GORASP2: variants seen among roughly 807,000 people sequenced by gnomAD.
GORASP2 encodes Golgi reassembly-stacking protein 2.
GORASP2 carries 22 observed loss-of-function variants against 45.7 expected under a neutral mutation model. That is an observed-to-expected ratio of 0.48 (90% CI 0.34 to 0.69). GORASP2 has a LOEUF of 0.69. GORASP2 is among the 30% of genes least tolerant of loss of function. The pLI is 0.01. For synonymous variants in GORASP2, 221 were observed against 215.6 expected (o/e 1.02, Z -0.22); for missense variants, 491 against 562.7 (o/e 0.87, Z 1.29).
Position 170,929,297 on chromosome 2 carries a change from G to A in GORASP2, c.-44G>A. 2 of 1,321,768 alleles carry A rather than the reference G, an allele frequency of 1.5e-6. No homozygotes were observed. Among genetic ancestry groups the A allele is most frequent in the South Asian group, 1.9e-5 (1 of 51,666 alleles). 81.9% of individuals were successfully genotyped at this position (1,321,768 alleles called of 1,614,324 possible). A position where few individuals can be genotyped will look rare whatever the true frequency, so the allele number is the denominator to read the frequency against. ...AGAGCAGGCGGTGCGCTGGGGGCGG[G>A]AGCAGCGCGGAGCCCGGCTCGGCCA... On this transcript the variant is annotated 5_prime_UTR_variant, in exon 1 of 10. Coordinates refer to ENST00000234160, the MANE Select transcript of GORASP2 (RefSeq NM_015530.5).
At position 170,962,823 on chromosome 2, in the gene GORASP2, T is replaced by G. The variant is rs1210526944; in HGVS notation, c.911-16T>G. 6.4e-7 allele frequency: 1 copy of G among 1,555,358 alleles called. No homozygotes were observed. Among genetic ancestry groups the G allele is most frequent in the Non-Finnish European group, 8.9e-7 (1 of 1,126,458 alleles). On this transcript the variant is annotated splice_polypyrimidine_tract_variant and intron_variant, in intron 8 of 9. Coordinates refer to ENST00000234160, the MANE Select transcript of GORASP2 (RefSeq NM_015530.5). ...TCAAGTGATTTCTCTTTTTTTCTTT[T>G]CTGCCTTCTCTTCAGGTCTGATGCC...
At chr2:170,942,975 G>C (rs1704111708) in intron 1 of GORASP2, among the ~76,000 whole-genome samples, 1 of 152,132 alleles carries the variant, frequency 6.6e-6, no homozygotes, top group Admixed American at 6.5e-5. Flanking sequence ...GATTTCTTCT[G>C]GATACAGATC....
chr2:170,946,902 T>C (rs894726474), intron 1 of GORASP2, among the ~76,000 whole-genome samples: 5 of 152,068 alleles, frequency 3.3e-5, no homozygotes, highest in South Asian at 2.1e-4. Flanking sequence ...ATTGTGTCAC[T>C]GCACTCCAGC....
chr2:170,953,127 G>A (rs1173932073), intron 5 of GORASP2, among the ~76,000 whole-genome samples: 1 of 152,104 alleles, frequency 6.6e-6, no homozygotes, highest in Non-Finnish European at 1.5e-5. Flanking sequence ...AGGCTGAGGC[G>A]GGTGGATCAC....
upstream of GORASP2, chr2:170,929,091 C>T (rs1703747457): frequency 2.1e-5 from 8 of 383,804 alleles, no homozygotes; most frequent in Middle Eastern, 6.5e-4. Flanking sequence ...CTCCTCCGGC[C>T]CTCCCTCTCC....
intron 7 of GORASP2, among the ~76,000 whole-genome samples, chr2:170,961,019 A>G (rs1704546395): frequency 1.3e-5 from 2 of 152,230 alleles, no homozygotes; most frequent in African/African-American, 4.8e-5. Context: ...AAACGTGATT[A>G]GGTGGTATCC....
intron 1 of GORASP2, among the ~76,000 whole-genome samples, chr2:170,946,121 C>A (rs758295044): frequency 1.3e-5 from 2 of 152,076 alleles, no homozygotes; most frequent in African/African-American, 4.8e-5. Flanking sequence ...AAGTGATCCT[C>A]CCAGCTCAGC....
At chr2:170,948,573 A>G in intron 2 of GORASP2, 143 bp downstream of exon 2, 2 of 572,516 alleles carry the variant, frequency 3.5e-6, no homozygotes, top group South Asian at 4.7e-5. Flanking sequence ...ATGTATTAAT[A>G]AACATTGAAA....
At chr2:170,930,936 T>C (rs1703806989) in intron 1 of GORASP2, among the ~76,000 whole-genome samples, 2 of 145,306 alleles carry the variant, frequency 1.4e-5, no homozygotes, top group Admixed American at 1.4e-4. Flanking sequence ...ATACATGCAC[T>C]CAGGGAAACT....
intron 1 of GORASP2, among the ~76,000 whole-genome samples, chr2:170,935,856 G>A (rs1178645969): frequency 6.6e-6 from 1 of 152,132 alleles, no homozygotes; most frequent in African/African-American, 2.4e-5. Context: ...GGTTACAGGC[G>A]TGAGCCACTG....
intron 7 of GORASP2, among the ~76,000 whole-genome samples, chr2:170,959,821 CTTT>C (rs35210942): frequency 2.4e-5 from 3 of 124,532 alleles, no homozygotes; most frequent in South Asian, 2.5e-4. Flanking sequence ...TCACCTTTTT[CTTT>C]TTTTTTTTTT....
At position 170,965,030 on chromosome 2, in the gene GORASP2, A is replaced by C. The variant is rs1559317348; in HGVS notation, c.1019-760A>C. 2.8e-5 allele frequency among the ~76,000 whole-genome samples: 4 copies of C among 145,180 alleles called. No homozygotes were observed. In the Admixed American group the frequency reaches 2.9e-4, roughly 11 times the overall value. On this transcript the variant is annotated intron_variant, in intron 9 of 9. Coordinates refer to ENST00000234160, the MANE Select transcript of GORASP2 (RefSeq NM_015530.5). ...AGTCCTCCCACCTCAGTGGCCTTGT[A>C]GTCTCTAGTAGCTGGGACCACAGGT...
Position 170,937,998 on chromosome 2 carries a change from C to T in GORASP2, c.63+8595C>T, listed in dbSNP as rs368990001. On this transcript the variant is annotated intron_variant, in intron 1 of 9. Coordinates refer to ENST00000234160, the MANE Select transcript of GORASP2 (RefSeq NM_015530.5). ...CTTTGAAAAGCTTCAGTCTTTGTATCTGAAAAGTGCAGATAATAGCAGAGC... is the reference window on the plus strand; with the variant it reads ...CTTTGAAAAGCTTCAGTCTTTGTATTTGAAAAGTGCAGATAATAGCAGAGC... Among the ~76,000 whole-genome samples the T allele has an allele frequency of 4.9e-3, 750 of 152,320 alleles. 6 individuals are homozygous for T. The highest frequency in any genetic ancestry group is 0.017 in the African/African-American group (697 of 41,566).
chr2:170,930,143 G>A (rs1207141996), intron 1 of GORASP2, among the ~76,000 whole-genome samples: 1 of 152,232 alleles, frequency 6.6e-6, no homozygotes, highest in African/African-American at 2.4e-5. Context: ...TTTAAAAATC[G>A]GAGTATATAA....
At chr2:170,935,561 A>G (rs1575468040) in intron 1 of GORASP2, among the ~76,000 whole-genome samples, 1 of 144,890 alleles carries the variant, frequency 6.9e-6, no homozygotes, top group South Asian at 2.2e-4. Context: ...AGCACCCCCA[A>G]CGCCCCACCT....
In GORASP2 at chr2:170,944,616, TACTCTAAAGTTTATACTTTAA is replaced by T. The variant is rs537461884; in HGVS notation, c.64-3730_64-3710del. On this transcript the variant is annotated intron_variant, in intron 1 of 9. Transcript: ENST00000234160. ...TTTCAGACAAATAGTTTAAACTTTATACTCTAAAGTTTATACTTTAAACTTTATAAGGGTGGCCTAGTAAGA... is the reference window on the plus strand; with the variant it reads ...TTTCAGACAAATAGTTTAAACTTTATACTTTATAAGGGTGGCCTAGTAAGA... Among the ~76,000 whole-genome samples, 10 of 152,354 alleles carry T rather than the reference TACTCTAAAGTTTATACTTTAA, an allele frequency of 6.6e-5. No individual in the cohort carries two copies. The East Asian group carries it at 7.7e-4, about 12-fold the overall frequency.
intron 8 of GORASP2, among the ~76,000 whole-genome samples, chr2:170,962,131 T>A (rs1354354387): frequency 6.6e-6 from 1 of 152,284 alleles, no homozygotes; most frequent in Non-Finnish European, 1.5e-5. Flanking sequence ...AGGCTTCTTA[T>A]TTGGTCTTCA....
At chr2:170,957,245 T>C (rs1704446979) in intron 7 of GORASP2, among the ~76,000 whole-genome samples, 1 of 151,886 alleles carries the variant, frequency 6.6e-6, no homozygotes, top group South Asian at 2.1e-4. Context: ...AGGAGCTCAG[T>C]CTTGCTTAGG....
At chr2:170,934,045 A>AT (rs1355701481) in intron 1 of GORASP2, among the ~76,000 whole-genome samples, 1 of 151,884 alleles carries the variant, frequency 6.6e-6, no homozygotes, top group African/African-American at 2.4e-5. Flanking sequence ...CTTTTTATAT[A>AT]TTTTTTTCTA....
Sources: gnomAD v4.1 joint callset for allele counts (sites outside exome capture counted in the v4.1 genomes callset) on GRCh38, gnomAD v4.1.1 for gene constraint, MANE v1.5 for transcripts, NCBI Gene and HGNC (gene_info 2026-07-23, HGNC 2026-07-21) for gene names.